The following PRR5L variants were observed in gnomAD, a reference collection of about 807,000 sequenced individuals.
PRR5L encodes proline rich 5 like, also known as proline-rich protein 5-like.
In PRR5L, 21 loss-of-function variants were observed where a neutral mutation model predicts 36.4. The observed-to-expected ratio is 0.58, with a 90% confidence interval of 0.41 to 0.83. PRR5L has a LOEUF of 0.83. Among genes scored for constraint, PRR5L ranks in the 40% least tolerant of loss-of-function variants. The probability of loss-of-function intolerance (pLI) is 0.00; values close to 1 mark genes in which losing one functional copy is unlikely to be tolerated. For synonymous variants in PRR5L, 188 were observed against 197.0 expected, an observed-to-expected ratio of 0.95 and a Z score of 0.38; for missense variants, 381 against 473.3, an observed-to-expected ratio of 0.80 and a Z score of 1.81.
intron 8 of PRR5L, among the ~76,000 whole-genome samples, chr11:36,461,804 A>C (rs987498618): frequency 5.3e-5 from 8 of 152,148 alleles, no homozygotes; most frequent in African/African-American, 1.7e-4. Flanking sequence ...GATGAGGGCC[A>C]TTGATAGTCG....
chr11:36,457,456 AT>A (rs1859084494), intron 8 of PRR5L, among the ~76,000 whole-genome samples: 1 of 152,050 alleles, frequency 6.6e-6, no homozygotes, highest in Non-Finnish European at 1.5e-5. Flanking sequence ...AATACAAAAA[AT>A]TAGCTGGGTG....
At chr11:36,457,682 G>A (rs1859092612) in intron 8 of PRR5L, among the ~76,000 whole-genome samples, 1 of 151,932 alleles carries the variant, frequency 6.6e-6, no homozygotes, top group African/African-American at 2.4e-5. Flanking sequence ...TGTCACTACT[G>A]TCTACCTCTT....
At chr11:36,451,742 C>T (rs975621096) in intron 8 of PRR5L, among the ~76,000 whole-genome samples, 2 of 152,194 alleles carry the variant, frequency 1.3e-5, no homozygotes, top group African/African-American at 4.8e-5. Flanking sequence ...TTGAAACCAA[C>T]TGGAAATGTC....
At chr11:36,403,219 C>A in intron 2 of PRR5L, 79 bp from the exon 3 acceptor site, 1 of 1,245,368 alleles carries the variant, frequency 8.0e-7, no homozygotes, top group South Asian at 1.2e-5. Context: ...TCACTCCACA[C>A]ACCTTCAGCC....
intron 4 of PRR5L, among the ~76,000 whole-genome samples, chr11:36,424,847 G>A (rs578019249): frequency 1.3e-5 from 2 of 151,390 alleles, no homozygotes; most frequent in South Asian, 4.2e-4. Context: ...TTTAGACAAA[G>A]TCTTGCTCTT....
At chr11:36,420,595 T>C (rs930893493) in intron 4 of PRR5L, among the ~76,000 whole-genome samples, 1 of 152,218 alleles carries the variant, frequency 6.6e-6, no homozygotes, top group Non-Finnish European at 1.5e-5. Context: ...TAAGTGCCTA[T>C]GTGTTATTCT....
rs12292483 is a variant in PRR5L at position 36,336,334 on chromosome 11, A to G, written c.-126+39896A>G. ...AACCTCCTTCTCCTGGGCTCAAGCA[A>G]TCCTCCCACCTCAGCCTCCCAAGTA... On this transcript the variant is annotated intron_variant, in intron 1 of 8. Transcript: ENST00000530639. 4.7e-3 allele frequency among the ~76,000 whole-genome samples: 712 copies of G among 152,160 alleles called. 8 individuals are homozygous for G. The highest frequency in any genetic ancestry group is 0.017 in the African/African-American group (690 of 41,494).
intron 8 of PRR5L, chr11:36,454,964 G>T (rs1434767108): frequency 6.6e-6 from 1 of 152,340 alleles, no homozygotes; most frequent in Non-Finnish European, 1.5e-5. Context: ...ACTCCTCAGA[G>T]GCTGGCCTTT....
At position 36,354,904 on chromosome 11, in the gene PRR5L, G is replaced by A. The variant is rs372805763; in HGVS notation, c.-125-46093G>A. ...AAAAAATCTGGAATATGTGGCTAGA[G>A]CTCAGCATCAATTTCAGATGCCTTA... On this transcript the variant is annotated intron_variant, in intron 1 of 8. Coordinates refer to ENST00000530639, the MANE Select transcript of PRR5L (RefSeq NM_001160167.2). Among the ~76,000 whole-genome samples the A allele has an allele frequency of 1.1e-4, 17 of 152,352 alleles. No individual in the cohort carries two copies. The East Asian group carries it at 2.3e-3, about 21-fold the overall frequency.
chr11:36,424,836 T>C (rs1235045351), intron 4 of PRR5L, among the ~76,000 whole-genome samples: 1 of 152,070 alleles, frequency 6.6e-6, no homozygotes, highest in East Asian at 1.9e-4. Flanking sequence ...GTTTTTTTTT[T>C]TTTAGACAAA....
chr11:36,399,229 GA>G (rs1397358707), intron 1 of PRR5L, among the ~76,000 whole-genome samples: 3 of 152,132 alleles, frequency 2.0e-5, no homozygotes, highest in Non-Finnish European at 4.4e-5. Flanking sequence ...CAAAACTGTT[GA>G]ACTCATTCTG....
At chr11:36,437,509 C>G in intron 6 of PRR5L, 33 bp downstream of exon 6, 1 of 1,333,584 alleles carries the variant, frequency 7.5e-7, no homozygotes, top group Non-Finnish European at 1.1e-6. Flanking sequence ...TCCTGCCATC[C>G]TCAGCGATCT....
chr11:36,346,476 G>C (rs1389893531), intron 1 of PRR5L, among the ~76,000 whole-genome samples: 1 of 152,078 alleles, frequency 6.6e-6, no homozygotes, highest in Non-Finnish European at 1.5e-5. Flanking sequence ...CCAGCTACTC[G>C]GGAGGTTGAG....
At chr11:36,297,942 T>G (rs990369830) in intron 1 of PRR5L, among the ~76,000 whole-genome samples, 1 of 152,208 alleles carries the variant, frequency 6.6e-6, no homozygotes, top group African/African-American at 2.4e-5. Flanking sequence ...AGTCCGTACT[T>G]GGTTAATGCT....
chr11:36,353,484 G>A (rs1377834055), intron 1 of PRR5L, among the ~76,000 whole-genome samples: 3 of 152,086 alleles, frequency 2.0e-5, no homozygotes, highest in African/African-American at 7.2e-5. Context: ...ATGTACTATT[G>A]CCAGGTGCTG....
chr11:36,455,073 A>G (rs1859025146), intron 8 of PRR5L, among the ~76,000 whole-genome samples: 1 of 152,162 alleles, frequency 6.6e-6, no homozygotes, highest in African/African-American at 2.4e-5. Flanking sequence ...CTTCTCCCAC[A>G]CAAAGGCCCT....
At chr11:36,383,880 G>C (rs1260500282) in intron 1 of PRR5L, among the ~76,000 whole-genome samples, 2 of 152,002 alleles carry the variant, frequency 1.3e-5, no homozygotes, top group African/African-American at 2.4e-5. Flanking sequence ...ATCTTTAGTA[G>C]AGATGAGGTT....
chr11:36,366,113 AAC>A (rs1253394787), intron 1 of PRR5L, among the ~76,000 whole-genome samples: 1 of 152,220 alleles, frequency 6.6e-6, no homozygotes, highest in Non-Finnish European at 1.5e-5. Flanking sequence ...ATGACTGAAG[AAC>A]TTACACTGGG....
intron 1 of PRR5L, among the ~76,000 whole-genome samples, chr11:36,345,703 C>G (rs1176717035): frequency 6.6e-6 from 1 of 152,272 alleles, no homozygotes; most frequent in South Asian, 2.1e-4. Flanking sequence ...GGCAGAAAGC[C>G]CTGTCTGGAT....
Sources: allele counts gnomAD v4.1 joint callset (sites outside exome capture counted in the v4.1 genomes callset), GRCh38; gene constraint gnomAD v4.1.1; transcripts MANE v1.5; gene names NCBI Gene and HGNC (gene_info 2026-07-23, HGNC 2026-07-21).